FARS2: variants seen among roughly 807,000 people sequenced by gnomAD.
FARS2 encodes the protein phenylalanine--tRNA ligase, mitochondrial.
A neutral mutation model predicts 46.4 loss-of-function variants in FARS2; 40 were observed. That is an observed-to-expected ratio of 0.86 (90% CI 0.67 to 1.12). The LOEUF (loss-of-function observed/expected upper bound fraction) is 1.12. Ranked by LOEUF, FARS2 falls within the 50% of genes most tolerant of loss-of-function variation. The probability of loss-of-function intolerance (pLI) is 0.00; values close to 1 mark genes in which losing one functional copy is unlikely to be tolerated. For missense variants in FARS2, 513 were observed against 567.9 expected (o/e 0.90, Z 0.98); for synonymous variants, 234 against 214.9 (o/e 1.09, Z -0.78).
intron 4 of FARS2, chr6:5,458,211 A>G (rs1765018389): frequency 6.6e-6 from 1 of 152,360 alleles, no homozygotes; most frequent in Admixed American, 6.5e-5. Flanking sequence ...AGTCCTGTGT[A>G]ATCATTTGCA....
At chr6:5,486,069 A>G (rs79736574) in intron 4 of FARS2, among the ~76,000 whole-genome samples, 409 of 152,318 alleles carry the variant, frequency 2.7e-3, no homozygotes, top group African/African-American at 9.5e-3. Flanking sequence ...ATAACGTGGA[A>G]ATTATAGCAT....
chr6:5,654,951 T>C (rs1015704892), intron 6 of FARS2, among the ~76,000 whole-genome samples: 3 of 152,046 alleles, frequency 2.0e-5, no homozygotes, highest in Non-Finnish European at 4.4e-5. Context: ...TCTTATTTTC[T>C]TAGTAACATT....
chr6:5,324,206 A>G (rs1215381001), intron 1 of FARS2, among the ~76,000 whole-genome samples: 2 of 152,186 alleles, frequency 1.3e-5, no homozygotes, highest in African/African-American at 4.8e-5. Flanking sequence ...CTCTTATTTT[A>G]ACTCTTACAG....
intron 1 of FARS2, among the ~76,000 whole-genome samples, chr6:5,291,756 T>TA (rs199840201): frequency 0.085 from 12,326 of 145,072 alleles, 842 homozygotes; most frequent in African/African-American, 0.19. Context: ...ACCCATCTCT[T>TA]AAAAAAAAAA....
the FARS2 span, among the ~76,000 whole-genome samples, chr6:5,251,908 A>G: frequency 2.0e-5 from 3 of 152,244 alleles, no homozygotes; most frequent in African/African-American, 7.2e-5. Flanking sequence ...CAGCTTGCCA[A>G]TAAATCTGGA....
At chr6:5,401,095 G>C (rs1443119696) in intron 2 of FARS2, among the ~76,000 whole-genome samples, 1 of 151,784 alleles carries the variant, frequency 6.6e-6, no homozygotes, top group East Asian at 1.9e-4. Context: ...TTTGTGGCCA[G>C]ATTTATTTTT....
In FARS2 at chr6:5,523,467, T is replaced by A. The variant is rs955654797; in HGVS notation, c.905-21713T>A. Among the ~76,000 whole-genome samples, 3 of 152,022 alleles carry A rather than the reference T, an allele frequency of 2.0e-5. 1 individual carries two copies. The highest frequency in any genetic ancestry group is 6.6e-5 in the Admixed American group (1 of 15,254). ...GTGCTTTGGTGGATTTCTTGGAGAT[T>A]CCCCATTAGTGACTTTGGATTGGAA... On this transcript the variant is annotated intron_variant, in intron 4 of 6. Transcript: ENST00000274680.
chr6:5,744,810 C>T (rs1476260285), intron 6 of FARS2, among the ~76,000 whole-genome samples: 1 of 152,094 alleles, frequency 6.6e-6, no homozygotes, highest in African/African-American at 2.4e-5. Context: ...ATCTTTCAGT[C>T]CTTTTTATGG....
rs567586601 is a variant in FARS2 at position 5,552,844 on chromosome 6, G to C, written c.1065+7504G>C. On this transcript the variant is annotated intron_variant, in intron 5 of 6. Coordinates refer to ENST00000274680, the MANE Select transcript of FARS2 (RefSeq NM_006567.5). The stretch of plus-strand genomic sequence containing the variant: ...CACTGCAGCTTCCCATGCTGTATTC[G>C]TTCTGAGTGTTTGGGTCTTTGTTGC... 5.3e-5 allele frequency among the ~76,000 whole-genome samples: 8 copies of C among 152,196 alleles called. No homozygotes were observed. The East Asian group carries it at 1.5e-3, about 29-fold the overall frequency.
chr6:5,387,258 G>A (rs956591565), intron 2 of FARS2, among the ~76,000 whole-genome samples: 8 of 152,142 alleles, frequency 5.3e-5, no homozygotes, highest in Non-Finnish European at 8.8e-5. Context: ...ACAGAGTGAC[G>A]GGATAGGGTA....
intron 6 of FARS2, among the ~76,000 whole-genome samples, chr6:5,720,783 T>A (rs1312291876): frequency 6.6e-6 from 1 of 152,260 alleles, no homozygotes; most frequent in Admixed American, 6.5e-5. Context: ...TAGTGGCTCA[T>A]GCTCTATAGT....
chr6:5,624,989 C>G (rs924637500), intron 6 of FARS2, among the ~76,000 whole-genome samples: 2 of 152,226 alleles, frequency 1.3e-5, no homozygotes, highest in Non-Finnish European at 2.9e-5. Flanking sequence ...GCCTAACTCA[C>G]TGTCCATCCA....
chr6:5,629,140 C>T (rs1222870843), intron 6 of FARS2, among the ~76,000 whole-genome samples: 1 of 152,152 alleles, frequency 6.6e-6, no homozygotes, highest in Admixed American at 6.5e-5. Context: ...TAAACACTTA[C>T]CATGGGTGAG....
At chr6:5,263,335 A>G (rs1263226587) in intron 1 of FARS2, among the ~76,000 whole-genome samples, 1 of 152,208 alleles carries the variant, frequency 6.6e-6, no homozygotes, top group Non-Finnish European at 1.5e-5. Flanking sequence ...AGTACGAGCA[A>G]TGGTTGCAGT....
intron 4 of FARS2, among the ~76,000 whole-genome samples, chr6:5,527,510 C>G (rs1769543545): frequency 2.0e-5 from 3 of 152,222 alleles, no homozygotes; most frequent in Admixed American, 2.0e-4. Flanking sequence ...TCCCAACACT[C>G]ACAACTCTGT....
At chr6:5,705,065 C>T (rs1041162966) in intron 6 of FARS2, among the ~76,000 whole-genome samples, 2 of 152,106 alleles carry the variant, frequency 1.3e-5, no homozygotes, top group South Asian at 2.1e-4. Context: ...TCAGGTTTTT[C>T]CAGAATGAAT....
chr6:5,672,385 G>A (rs1362594821), intron 6 of FARS2, among the ~76,000 whole-genome samples: 1 of 152,198 alleles, frequency 6.6e-6, no homozygotes, highest in Non-Finnish European at 1.5e-5. Flanking sequence ...TCTCAAGCCA[G>A]TGTTCCTCCC....
At chr6:5,432,185 G>A (rs1763207575) in intron 4 of FARS2, among the ~76,000 whole-genome samples, 1 of 148,124 alleles carries the variant, frequency 6.8e-6, no homozygotes, top group South Asian at 2.1e-4. Flanking sequence ...GGGTGTGGTG[G>A]TGCGCCTATA....
intron 2 of FARS2, among the ~76,000 whole-genome samples, chr6:5,387,730 T>C (rs887826462): frequency 6.6e-6 from 1 of 152,230 alleles, no homozygotes; most frequent in East Asian, 1.9e-4. Flanking sequence ...CGTGATGTTA[T>C]CCTTCTAGAG....
Sources: gnomAD v4.1 joint callset for allele counts (sites outside exome capture counted in the v4.1 genomes callset) on GRCh38, gnomAD v4.1.1 for gene constraint, MANE v1.5 for transcripts, NCBI Gene and HGNC (gene_info 2026-07-23, HGNC 2026-07-21) for gene names.